The following HDAC4 variants were observed in gnomAD, a reference collection of about 807,000 sequenced individuals.
HDAC4 encodes histone deacetylase 4, also known as histone deacetylase A.
HDAC4 carries 16 observed loss-of-function variants against 135.1 expected under a neutral mutation model. The ratio of observed to expected loss-of-function variants is 0.12; its 90% CI spans 0.08 to 0.18. The LOEUF is 0.18. Among genes scored for constraint, HDAC4 ranks in the 10% least tolerant of loss-of-function variants. The pLI is 1.00. For missense variants in HDAC4, 1,143 were observed against 1,511.8 expected, an observed-to-expected ratio of 0.76 and a Z score of 4.05; for synonymous variants, 685 against 653.4, an observed-to-expected ratio of 1.05 and a Z score of -0.74.
chr2:239,127,670 A>T (rs1291694564), intron 11 of HDAC4, among the ~76,000 whole-genome samples: 2 of 152,214 alleles, frequency 1.3e-5, no homozygotes, highest in East Asian at 3.8e-4. Context: ...AAGTAACCAC[A>T]CCAGCTCTTG....
chr2:239,082,180 G>T lies in HDAC4; in HGVS notation c.2574C>A (p.Ser858Arg). 6.2e-7 allele frequency: 1 copy of T among 1,614,116 alleles called. No individual in the cohort carries two copies. The change falls in exon 21 of 27, where the codon AGC (serine) becomes AGA (arginine). Residue 858 changes from serine to arginine, a missense_variant. Coordinates refer to ENST00000543185, the MANE Select transcript of HDAC4 (RefSeq NM_001378414.1). ...GGGACATGTACAGGACGCTGGGGTC[G>T]CTGTAGAAAGCCTGCTGGGTCCCGT... ...HGNGTQQAFY[S>R]DPSVLYMSLH...
At chr2:239,072,569 T>C (rs1224235634) in intron 22 of HDAC4, among the ~76,000 whole-genome samples, 1 of 152,186 alleles carries the variant, frequency 6.6e-6, no homozygotes, top group Non-Finnish European at 1.5e-5. Flanking sequence ...CCTCCCTTCA[T>C]ATGGATTTTC....
chr2:239,183,819 A>G (rs993922278), intron 4 of HDAC4, among the ~76,000 whole-genome samples: 5 of 152,124 alleles, frequency 3.3e-5, no homozygotes, highest in African/African-American at 9.7e-5. Flanking sequence ...GTGACCAGAA[A>G]GCTGGGCCTG....
chr2:239,317,510 A>G (rs947400675), intron 2 of HDAC4, among the ~76,000 whole-genome samples: 1 of 152,152 alleles, frequency 6.6e-6, no homozygotes, highest in Non-Finnish European at 1.5e-5. Flanking sequence ...AGGGTCCCAA[A>G]ACGGGAGGGA....
intron 3 of HDAC4, among the ~76,000 whole-genome samples, chr2:239,217,464 T>C (rs1026748930): frequency 2.0e-5 from 3 of 152,200 alleles, no homozygotes; most frequent in Admixed American, 6.5e-5. Context: ...TAAATGTCAG[T>C]CTAAATATAT....
At chr2:239,084,747 A>G (rs1449929280) in intron 19 of HDAC4, among the ~76,000 whole-genome samples, 1 of 136,436 alleles carries the variant, frequency 7.3e-6, no homozygotes, top group African/African-American at 2.8e-5. Context: ...ATACGCCCAT[A>G]CACCACAGAC....
intron 3 of HDAC4, among the ~76,000 whole-genome samples, chr2:239,217,686 G>A (rs2153112830): frequency 6.6e-6 from 1 of 152,270 alleles, no homozygotes; most frequent in South Asian, 2.1e-4. Context: ...AGAGAGCACG[G>A]CCTTCCAAAT....
chr2:239,108,903 A>G (rs2038407127), intron 14 of HDAC4, among the ~76,000 whole-genome samples: 1 of 152,166 alleles, frequency 6.6e-6, no homozygotes, highest in Admixed American at 6.5e-5. Flanking sequence ...CCCAGAACCA[A>G]CTGGGCCGGC....
At chr2:239,155,352 G>A (rs1484476238) in intron 7 of HDAC4, 1 of 150,914 alleles carries the variant, frequency 6.6e-6, no homozygotes, top group East Asian at 2.0e-4. Flanking sequence ...CTCCACCTGG[G>A]ACACCACCGC....
chr2:239,267,786 C>T (rs1339131618), intron 2 of HDAC4, among the ~76,000 whole-genome samples: 6 of 152,402 alleles, frequency 3.9e-5, no homozygotes, highest in Admixed American at 3.3e-4. Context: ...CAGGCTTCTC[C>T]CTCCGTCAAG....
At chr2:239,280,709 T>A (rs1008002275) in intron 2 of HDAC4, among the ~76,000 whole-genome samples, 2 of 151,976 alleles carry the variant, frequency 1.3e-5, no homozygotes, top group Non-Finnish European at 2.9e-5. Flanking sequence ...GATGGCAAAC[T>A]CCATCCAAGT....
At chr2:239,136,073 T>TA (rs1430351330) in intron 9 of HDAC4, among the ~76,000 whole-genome samples, 2 of 152,174 alleles carry the variant, frequency 1.3e-5, no homozygotes. Context: ...CTATATCCCC[T>TA]ACACAGTAGC....
At chr2:239,385,203 C>G (rs756769902) in intron 1 of HDAC4, among the ~76,000 whole-genome samples, 9 of 152,232 alleles carry the variant, frequency 5.9e-5, no homozygotes, top group Non-Finnish European at 1.0e-4. Context: ...CCCAGCACCT[C>G]AGCTGAAAGG....
At chr2:239,277,570 C>G (rs577490700) in intron 2 of HDAC4, among the ~76,000 whole-genome samples, 172 of 152,342 alleles carry the variant, frequency 1.1e-3, no homozygotes, top group African/African-American at 4.1e-3. Flanking sequence ...GGTCTCAGGG[C>G]ACTTCCACAA....
At chr2:239,169,905 T>C (rs984510001) in intron 5 of HDAC4, among the ~76,000 whole-genome samples, 1 of 152,162 alleles carries the variant, frequency 6.6e-6, no homozygotes, top group African/African-American at 2.4e-5. Context: ...ATCTAATCAA[T>C]GTGCCAGGAG....
chr2:239,094,361 C>A (rs981122538), intron 17 of HDAC4: 76 of 985,324 alleles, frequency 7.7e-5, no homozygotes, highest in Non-Finnish European at 8.8e-5. Flanking sequence ...GATGCCCAGA[C>A]TGGAAAGTCC....
intron 2 of HDAC4, chr2:239,351,821 GCCA>G (rs1250827806): frequency 6.5e-6 from 1 of 154,508 alleles, no homozygotes; most frequent in African/African-American, 2.4e-5. Context: ...CTGTCCAGTG[GCCA>G]CCGTCTTCTC....
At chr2:239,242,687 T>C (rs990178382) in intron 2 of HDAC4, among the ~76,000 whole-genome samples, 1 of 152,216 alleles carries the variant, frequency 6.6e-6, no homozygotes, top group South Asian at 2.1e-4. Context: ...GAAATGGTGA[T>C]AAAAGACACT....
At chr2:239,264,035 C>T (rs550012749) in intron 2 of HDAC4, among the ~76,000 whole-genome samples, 1 of 150,830 alleles carries the variant, frequency 6.6e-6, no homozygotes, top group South Asian at 2.1e-4. Context: ...CATCCTCGAG[C>T]GGGGGCTCAA....
Sources: allele counts gnomAD v4.1 joint callset (sites outside exome capture counted in the v4.1 genomes callset), GRCh38; gene constraint gnomAD v4.1.1; transcripts MANE v1.5; gene names NCBI Gene and HGNC (gene_info 2026-07-23, HGNC 2026-07-21).